Variants in B3GALT1 observed in about 807,000 individuals in gnomAD.
B3GALT1 encodes the protein UDP-Gal:betaGlcNAc beta 1,3-galactosyltransferase, polypeptide 1.
B3GALT1 carries 10 observed loss-of-function variants against 23.2 expected under a neutral mutation model. That is an observed-to-expected ratio of 0.43 (90% CI 0.27 to 0.73). The LOEUF (loss-of-function observed/expected upper bound fraction) is 0.73. Among genes scored for constraint, B3GALT1 ranks in the 30% least tolerant of loss-of-function variants. The pLI, the probability that B3GALT1 is intolerant of heterozygous loss-of-function variation, is 0.21. For synonymous variants in B3GALT1, 156 were observed against 141.5 expected (o/e 1.10, Z -0.73); for missense variants, 299 against 405.4 (o/e 0.74, Z 2.25).
intron 2 of B3GALT1, among the ~76,000 whole-genome samples, chr2:167,562,337 C>T (rs912744132): frequency 2.8e-4 from 42 of 152,254 alleles, no homozygotes; most frequent in African/African-American, 7.2e-4. Context: ...ATGACAAACC[C>T]ACAGCCAATA....
Position 167,822,803 on chromosome 2 carries a change from CCTTCT to C in B3GALT1, c.-230+4011_-230+4015del, listed in dbSNP as rs374890788. On this transcript the variant is annotated intron_variant, in intron 4 of 4. Transcript: ENST00000392690. ...AGATGTCCACAGTGAAAATTAAGCT[CCTTCT>C]TCCCTTACCCGAGGGCACTTTTTAC... Among the ~76,000 whole-genome samples the C allele has an allele frequency of 7.5e-3, 1,136 of 152,278 alleles. 20 individuals carry two copies. The highest frequency in any genetic ancestry group is 0.026 in the African/African-American group (1,076 of 41,552).
intron 2 of B3GALT1, among the ~76,000 whole-genome samples, chr2:167,540,289 C>A (rs1683514385): frequency 1.3e-5 from 2 of 152,134 alleles, no homozygotes; most frequent in African/African-American, 4.8e-5. Flanking sequence ...TAGTGCCCTG[C>A]TATTCAGAAA....
At chr2:167,375,406 G>A (rs766294604) in intron 1 of B3GALT1, among the ~76,000 whole-genome samples, 3 of 151,974 alleles carry the variant, frequency 2.0e-5, no homozygotes, top group Admixed American at 6.6e-5. Flanking sequence ...TAGGAATAGC[G>A]TTGAATCTAT....
chr2:167,448,273 A>G (rs775816535), intron 1 of B3GALT1, among the ~76,000 whole-genome samples: 4 of 152,062 alleles, frequency 2.6e-5, no homozygotes, highest in African/African-American at 4.8e-5. Context: ...CACCACATCT[A>G]TGCCGACATC....
At chr2:167,561,375 C>T (rs540032096) in intron 2 of B3GALT1, among the ~76,000 whole-genome samples, 27 of 152,118 alleles carry the variant, frequency 1.8e-4, no homozygotes, top group African/African-American at 5.3e-4. Context: ...AATTGACACC[C>T]TAACATCACA....
chr2:167,541,110 G>A (rs1310757743), intron 2 of B3GALT1, among the ~76,000 whole-genome samples: 5 of 152,088 alleles, frequency 3.3e-5, no homozygotes, highest in Non-Finnish European at 7.4e-5. Context: ...TGAAGAGTAA[G>A]TTCTGAGTCT....
At chr2:167,614,456 CCA>C (rs1685122290) in intron 2 of B3GALT1, among the ~76,000 whole-genome samples, 1 of 151,592 alleles carries the variant, frequency 6.6e-6, no homozygotes, top group Non-Finnish European at 1.5e-5. Context: ...GTCTCTGAAT[CCA>C]TTAGTAAGGA....
At chr2:167,785,409 A>T (rs1301282263) in intron 3 of B3GALT1, among the ~76,000 whole-genome samples, 2 of 152,152 alleles carry the variant, frequency 1.3e-5, no homozygotes, top group Non-Finnish European at 2.9e-5. Context: ...TATTCTCCTT[A>T]GTATTTGTTT....
chr2:167,704,289 T>C lies in B3GALT1; in HGVS notation c.-352+57323T>C, dbSNP rs1179474698. Among the ~76,000 whole-genome samples the C allele has an allele frequency of 5.9e-5, 9 of 151,912 alleles. No individual in the cohort carries two copies. In the East Asian group the frequency reaches 1.7e-3, roughly 29 times the overall value. On this transcript the variant is annotated intron_variant, in intron 3 of 4. Coordinates refer to ENST00000392690, the MANE Select transcript of B3GALT1 (RefSeq NM_020981.4). Reference sequence around the variant, plus strand: ...TGACAGGCTGTCAAAATATTAGAAGTATAATGATGTAGTTTTTATTTTTAA... The same window carrying C: ...TGACAGGCTGTCAAAATATTAGAAGCATAATGATGTAGTTTTTATTTTTAA...
intron 1 of B3GALT1, among the ~76,000 whole-genome samples, chr2:167,339,594 G>A (rs985984131): frequency 7.2e-5 from 11 of 152,036 alleles, no homozygotes; most frequent in African/African-American, 2.4e-4. Flanking sequence ...TTTTTAAGGT[G>A]GGTGGATGAT....
chr2:167,339,382 G>C (rs1697113059), intron 1 of B3GALT1, among the ~76,000 whole-genome samples: 2 of 151,606 alleles, frequency 1.3e-5, no homozygotes, highest in African/African-American at 4.8e-5. Context: ...GAATTTGAAT[G>C]CATATGTGTG....
intron 1 of B3GALT1, among the ~76,000 whole-genome samples, chr2:167,370,477 C>T (rs1389922106): frequency 1.3e-5 from 2 of 152,136 alleles, no homozygotes; most frequent in African/African-American, 4.8e-5. Context: ...TACAGCCTTG[C>T]CCTCCAATCC....
chr2:167,665,716 A>C (rs1350259810), intron 3 of B3GALT1, among the ~76,000 whole-genome samples: 1 of 152,114 alleles, frequency 6.6e-6, no homozygotes, highest in Admixed American at 6.5e-5. Context: ...CGAGGAATTT[A>C]TCCATTTCTT....
chr2:167,359,563 AC>A (rs1189028180), intron 1 of B3GALT1, among the ~76,000 whole-genome samples: 2 of 152,212 alleles, frequency 1.3e-5, no homozygotes, highest in African/African-American at 2.4e-5. Context: ...ACATCACAGT[AC>A]TACCTATGGG....
chr2:167,319,315 T>G (rs986684714), intron 1 of B3GALT1, among the ~76,000 whole-genome samples: 2 of 152,104 alleles, frequency 1.3e-5, no homozygotes, highest in African/African-American at 4.8e-5. Flanking sequence ...TCACTCTAGT[T>G]TACATGTTGC....
At chr2:167,407,211 A>G (rs561645524) in intron 1 of B3GALT1, among the ~76,000 whole-genome samples, 40 of 152,282 alleles carry the variant, frequency 2.6e-4, no homozygotes, top group African/African-American at 9.1e-4. Context: ...ACACAAACAC[A>G]TGGAAATAAA....
chr2:167,840,368 C>T (rs1395101707), intron 4 of B3GALT1, among the ~76,000 whole-genome samples: 2 of 151,942 alleles, frequency 1.3e-5, no homozygotes, highest in Admixed American at 6.6e-5. Flanking sequence ...GGGCAAAGGA[C>T]ATGAACAGAC....
intron 1 of B3GALT1, among the ~76,000 whole-genome samples, chr2:167,414,135 C>A (rs1294348723): frequency 6.6e-6 from 1 of 151,808 alleles, no homozygotes; most frequent in Non-Finnish European, 1.5e-5. Flanking sequence ...AAATGGAGAC[C>A]CAGAGAAAGA....
At chr2:167,863,441 T>C (rs531686597) in intron 4 of B3GALT1, among the ~76,000 whole-genome samples, 1 of 152,358 alleles carries the variant, frequency 6.6e-6, no homozygotes, top group African/African-American at 2.4e-5. Flanking sequence ...GAAGCTCAGA[T>C]GATTTGGCAA....
Sources: gnomAD v4.1 joint callset for allele counts (sites outside exome capture counted in the v4.1 genomes callset) on GRCh38, gnomAD v4.1.1 for gene constraint, MANE v1.5 for transcripts, NCBI Gene and HGNC (gene_info 2026-07-23, HGNC 2026-07-21) for gene names.